The following MAEA variants were observed in gnomAD, a reference collection of about 807,000 sequenced individuals.
MAEA encodes E3 ubiquitin-protein transferase MAEA.
A neutral mutation model predicts 46.2 loss-of-function variants in MAEA; 22 were observed. That is an observed-to-expected ratio of 0.48 (90% confidence interval 0.34 to 0.68). The LOEUF is 0.68. MAEA is among the 30% of genes least tolerant of loss of function. The pLI is 0.01. For synonymous variants in MAEA, 246 were observed against 222.6 expected (o/e 1.11, Z -0.94); for missense variants, 393 against 558.1 (o/e 0.70, Z 2.98).
At chr4:1,312,978 T>C (rs1736702346) in intron 2 of MAEA, among the ~76,000 whole-genome samples, 1 of 152,188 alleles carries the variant, frequency 6.6e-6, no homozygotes, top group Non-Finnish European at 1.5e-5. Flanking sequence ...CCCTGGAGTG[T>C]TGGCCAGGCC....
chr4:1,335,268 C>T (rs1712594971), intron 6 of MAEA: 2 of 985,504 alleles, frequency 2.0e-6, no homozygotes, highest in Non-Finnish European at 2.4e-6. Flanking sequence ...CTCTGAGGTG[C>T]ACTCTGCACT....
rs750794957 is a variant in MAEA, at chr4:1,315,594, C to T, written c.450C>T (p.Gly150=). The change falls in exon 3 of 9, where the codon GGC becomes GGT. Residue 150 remains glycine, a synonymous_variant. Transcript: ENST00000303400. ...CTGTCAAGCTGGCGCGCCAGAGCGG[C>T]ATCGAGGTGGGTGCCCGCCAGACGC... ...NTAVKLARQS[G]IEDLVNIEMF... 6.8e-6 allele frequency: 11 copies of T among 1,612,754 alleles called. No individual in the cohort carries two copies. Among genetic ancestry groups the T allele is most frequent in the Non-Finnish European group, 9.3e-6 (11 of 1,179,680 alleles).
At chr4:1,309,561 CG>C in intron 1 of MAEA, 5 of 1,468,626 alleles carry the variant, frequency 3.4e-6, no homozygotes, top group Non-Finnish European at 4.5e-6. Context: ...TGGATAGCCC[CG>C]GGCCAGCGCT....
At chr4:1,308,934 A>G (rs566512217) in intron 1 of MAEA, among the ~76,000 whole-genome samples, 1 of 152,132 alleles carries the variant, frequency 6.6e-6, no homozygotes, top group South Asian at 2.1e-4. Context: ...TGCCTGTGCT[A>G]TTAGGAATCT....
intron 1 of MAEA, among the ~76,000 whole-genome samples, chr4:1,298,476 G>A (rs574996235): frequency 1.3e-5 from 2 of 152,216 alleles, no homozygotes; most frequent in African/African-American, 4.8e-5. Context: ...GGTCCCCTCT[G>A]TCTGAGCCAG....
chr4:1,339,196 G>C lies in MAEA; in HGVS notation c.*27G>C. ...CCCCACGTCGTGAAGCGCACGCCTC[G>C]GGGACGGGCTGCAGTGGGCGGGGAG... On this transcript the variant is annotated 3_prime_UTR_variant, in exon 9 of 9. Transcript: ENST00000303400. 1.3e-5 allele frequency: 21 copies of C among 1,582,914 alleles called. No homozygotes were observed. Among genetic ancestry groups the C allele is most frequent in the Non-Finnish European group, 1.8e-5 (21 of 1,151,912 alleles).
chr4:1,308,621 A>G (rs1283669555), intron 1 of MAEA, among the ~76,000 whole-genome samples: 1 of 152,142 alleles, frequency 6.6e-6, no homozygotes, highest in Non-Finnish European at 1.5e-5. Flanking sequence ...AACGGGCACG[A>G]GGTGATGCCT....
chr4:1,316,226 T>C (rs1291824881), intron 3 of MAEA, among the ~76,000 whole-genome samples: 2 of 151,772 alleles, frequency 1.3e-5, no homozygotes, highest in Non-Finnish European at 2.9e-5. Context: ...CCTTGCCCTC[T>C]GTGGCTACAG....
In MAEA at chr4:1,322,281, G is replaced by A. The variant is rs1482205291; in HGVS notation, c.457-100G>A. The stretch of plus-strand genomic sequence containing the variant: ...GACTGGAGATGCATCTCGAGTGGTG[G>A]CCGGTGCTGGGCCTGCCTCATGGAG... On this transcript the variant is annotated intron_variant, in intron 3 of 8. Transcript: ENST00000303400. The A allele has an allele frequency of 4.0e-6, 6 of 1,515,324 alleles. No homozygotes were observed. In the African/African-American group the frequency reaches 8.2e-5, roughly 21 times the overall value. The allele number at this position is 1,515,324 out of a possible 1,614,324, so 93.9% of individuals were successfully genotyped here. A position where few individuals can be genotyped will look rare whatever the true frequency, so the allele number is the denominator to read the frequency against.
chr4:1,317,327 C>T (rs1737411932), intron 3 of MAEA, among the ~76,000 whole-genome samples: 2 of 147,324 alleles, frequency 1.4e-5, no homozygotes, highest in Non-Finnish European at 3.0e-5. Flanking sequence ...CACCCGCAGG[C>T]CCCACACTCT....
At chr4:1,313,924 A>G (rs1220812399) in intron 2 of MAEA, among the ~76,000 whole-genome samples, 4 of 148,776 alleles carry the variant, frequency 2.7e-5, no homozygotes, top group African/African-American at 7.5e-5. Context: ...GTCTCAGCTA[A>G]TTGGGAGGCT....
At position 1,315,394 on chromosome 4, in the gene MAEA, C is replaced by T. The variant is rs760710548; in HGVS notation, c.253-3C>T. On this transcript the variant is annotated splice_region_variant and splice_polypyrimidine_tract_variant and intron_variant, in intron 2 of 8. Coordinates refer to ENST00000303400, the MANE Select transcript of MAEA (RefSeq NM_001017405.3). Reference sequence around the variant, plus strand: ...GAACGTGCCTCTGTTGTGTGTGGCTCAGGCGGTGGAATCCATCCAGGCCGA... The same window carrying T: ...GAACGTGCCTCTGTTGTGTGTGGCTTAGGCGGTGGAATCCATCCAGGCCGA... 2.5e-6 allele frequency: 4 copies of T among 1,613,570 alleles called. No individual in the cohort carries two copies. Among genetic ancestry groups the T allele is most frequent in the Non-Finnish European group, 8.5e-7 (1 of 1,179,872 alleles).
intron 3 of MAEA, among the ~76,000 whole-genome samples, chr4:1,321,474 C>A (rs971547755): frequency 6.6e-6 from 1 of 151,970 alleles, no homozygotes. Flanking sequence ...AACAAGAAAT[C>A]ATGAAAGAAA....
Position 1,305,340 on chromosome 4 carries a change from G to A in MAEA, c.70-6639G>A, listed in dbSNP as rs542156069. 1.6e-4 allele frequency among the ~76,000 whole-genome samples: 24 copies of A among 152,292 alleles called. No individual in the cohort carries two copies. The South Asian group carries it at 4.3e-3, about 28-fold the overall frequency. On this transcript the variant is annotated intron_variant, in intron 1 of 8. Transcript: ENST00000303400. The stretch of plus-strand genomic sequence containing the variant: ...GGTGCCTTGTGAGTGGAGCCTGCTT[G>A]TGCTGCTGTGCCCCGCTGCTTCCAG...
At chr4:1,294,941 C>T (rs2108851898) in intron 1 of MAEA, among the ~76,000 whole-genome samples, 1 of 152,224 alleles carries the variant, frequency 6.6e-6, no homozygotes, top group South Asian at 2.1e-4. Context: ...GGCCGGCTCT[C>T]ACCCCAGTAG....
At chr4:1,301,272 C>G (rs1261318717) in intron 1 of MAEA, among the ~76,000 whole-genome samples, 1 of 152,228 alleles carries the variant, frequency 6.6e-6, no homozygotes, top group African/African-American at 2.4e-5. Context: ...GTGGGGGCAG[C>G]GGGCGGGCAG....
chr4:1,294,068 C>T (rs1413003931), intron 1 of MAEA, among the ~76,000 whole-genome samples: 2 of 152,344 alleles, frequency 1.3e-5, no homozygotes, highest in African/African-American at 4.8e-5. Context: ...AGTCTTAGGC[C>T]GGGTCTCCAC....
chr4:1,311,287 G>C lies in MAEA; in HGVS notation c.70-692G>C, dbSNP rs1325585120. 1.3e-5 allele frequency among the ~76,000 whole-genome samples: 2 copies of C among 152,270 alleles called. No individual in the cohort carries two copies. Among genetic ancestry groups the C allele is most frequent in the East Asian group, 3.8e-4 (2 of 5,198 alleles). On this transcript the variant is annotated intron_variant, in intron 1 of 8. Coordinates refer to ENST00000303400, the MANE Select transcript of MAEA (RefSeq NM_001017405.3). The surrounding 1 kb of genome is among the most constrained non-coding windows in gnomAD (Gnocchi z 4.4). ...CCGGGGAGCGCTGGGGCGTGATTCTGTCGTGCCGCTTTCAAACCGTAGAGC... is the reference window on the plus strand; with the variant it reads ...CCGGGGAGCGCTGGGGCGTGATTCTCTCGTGCCGCTTTCAAACCGTAGAGC...
chr4:1,334,158 AC>A lies in MAEA; in HGVS notation c.765+1298del, dbSNP rs200407980. 1.0e-2 allele frequency among the ~76,000 whole-genome samples: 616 copies of A among 61,636 alleles called. 153 individuals are homozygous for A. Among genetic ancestry groups the A allele is most frequent in the African/African-American group, 0.04 (579 of 14,580 alleles). The allele number at this position is 61,636 out of a possible 152,430, so 40.4% of individuals were successfully genotyped here. ...CCACCATGTGCTCACCCCTGCATCC[AC>A]CCCCATGCCCACCCCTGTGCTCATC... is the stretch of plus-strand genomic sequence containing the variant. On this transcript the variant is annotated intron_variant, in intron 6 of 8. Coordinates refer to ENST00000303400, the MANE Select transcript of MAEA (RefSeq NM_001017405.3).
Sources: gnomAD v4.1 joint callset for allele counts (sites outside exome capture counted in the v4.1 genomes callset) on GRCh38, gnomAD v4.1.1 for gene constraint, Gnocchi (gnomAD v3.1) non-coding constraint, MANE v1.5 for transcripts, NCBI Gene and HGNC (gene_info 2026-07-23, HGNC 2026-07-21) for gene names.